CCDC102A: variants seen among roughly 807,000 people sequenced by gnomAD.
The protein encoded by CCDC102A is coiled-coil domain containing 102A.
In CCDC102A, 40 loss-of-function variants were observed where a neutral mutation model predicts 55.5. The observed-to-expected ratio is 0.72, with a 90% CI of 0.56 to 0.94. The LOEUF is 0.94. CCDC102A is among the 40% of genes least tolerant of loss of function. CCDC102A has a pLI of 0.00. For synonymous variants in CCDC102A, 323 were observed against 339.0 expected, an observed-to-expected ratio of 0.95 and a Z score of 0.52; for missense variants, 779 against 768.6, an observed-to-expected ratio of 1.01 and a Z score of -0.16.
intron 1 of CCDC102A, among the ~76,000 whole-genome samples, chr16:57,533,213 C>A (rs1349087366): frequency 6.6e-6 from 1 of 152,100 alleles, no homozygotes; most frequent in Non-Finnish European, 1.5e-5. Context: ...AGCAGGAGCA[C>A]GGAAGTTTTG....
At position 57,515,336 on chromosome 16, in the gene CCDC102A, C is replaced by A; in HGVS notation, c.1523+5G>T. 6.4e-7 allele frequency: 1 copy of A among 1,561,024 alleles called. No homozygotes were observed. Among genetic ancestry groups the A allele is most frequent in the Non-Finnish European group, 8.7e-7 (1 of 1,142,950 alleles). ...CCCTGTTTCTGTTCCCTGCCCGGGGCCCACCTGGACTGCAGGTGCTCCAGT... is the reference window on the plus strand; with the variant it reads ...CCCTGTTTCTGTTCCCTGCCCGGGGACCACCTGGACTGCAGGTGCTCCAGT... On this transcript the variant is annotated splice_donor_5th_base_variant and intron_variant, in intron 8 of 8. Coordinates refer to ENST00000258214, the MANE Select transcript of CCDC102A (RefSeq NM_033212.4).
chr16:57,521,681 T>C (rs1406451199), intron 3 of CCDC102A, among the ~76,000 whole-genome samples: 1 of 152,320 alleles, frequency 6.6e-6, no homozygotes, highest in East Asian at 1.9e-4. Context: ...GAGGGTTCTC[T>C]CTTGCCATCG....
chr16:57,533,465 CAGT>C (rs2032308969), intron 1 of CCDC102A, among the ~76,000 whole-genome samples: 1 of 151,388 alleles, frequency 6.6e-6, no homozygotes, highest in Admixed American at 6.6e-5. Context: ...CATACAGCCC[CAGT>C]AATGCACACA....
In CCDC102A at chr16:57,521,138, T is replaced by G. The variant is rs745458166; in HGVS notation, c.851A>C (p.Glu284Ala). The change falls in exon 4 of 9, where the codon GAG becomes GCG. Residue 284 changes from glutamate to alanine, a missense_variant. Glu to Ala is a moderately radical substitution (Grantham distance 107). Coordinates refer to ENST00000258214, the MANE Select transcript of CCDC102A (RefSeq NM_033212.4). The part of the protein sequence containing the change: ...LALSRNIEKL[E>A]GELSQWKIKY... Reference sequence around the variant, plus strand: ...GATCTTCCACTGGCTGAGCTCCCCCTCTAGCTTCTCAATGTTCCTGCTCAA... The same window carrying G: ...GATCTTCCACTGGCTGAGCTCCCCCGCTAGCTTCTCAATGTTCCTGCTCAA... 13 of 1,613,400 alleles carry G rather than the reference T, an allele frequency of 8.1e-6. No homozygotes were observed. Among genetic ancestry groups the G allele is most frequent in the Non-Finnish European group, 8.5e-6 (10 of 1,179,960 alleles).
intron 3 of CCDC102A, 94 bp downstream of exon 3, chr16:57,525,807 C>G (rs2032128776): frequency 5.4e-6 from 6 of 1,119,444 alleles, no homozygotes. Flanking sequence ...TAAACACTAC[C>G]TGTCATCTTC....
rs780252323 is a variant in CCDC102A at position 57,526,042 on chromosome 16, C to G, written c.671G>C (p.Gly224Ala). ...CTGGCGGCCTGAGCTGCCCCGCGGG[C>G]CCCCAGCCCCCAGGCTGCGCGCCTC... ...CWEARSLGAGGPRGSSGRQER... is the reference protein window; with the variant it reads ...CWEARSLGAGAPRGSSGRQER... The change falls in exon 3 of 9, where the codon GGC becomes GCC. Residue 224 changes from glycine (G) to alanine (A), a missense_variant. Gly to Ala is a moderately conservative substitution (Grantham distance 60). Coordinates refer to ENST00000258214, the MANE Select transcript of CCDC102A (RefSeq NM_033212.4). 4 of 1,593,868 alleles carry G rather than the reference C, an allele frequency of 2.5e-6. No individual in the cohort carries two copies. The Admixed American group carries it at 5.3e-5, about 21-fold the overall frequency.
At chr16:57,514,774 G>A (rs1465887613) in intron 8 of CCDC102A, among the ~76,000 whole-genome samples, 1 of 152,154 alleles carries the variant, frequency 6.6e-6, no homozygotes, top group East Asian at 1.9e-4. Context: ...GATGCTCCTT[G>A]GGCCTCCCAG....
rs757892468 is a variant in CCDC102A at position 57,526,033 on chromosome 16, C to T, written c.680G>A (p.Gly227Asp). The T allele has an allele frequency of 1.4e-5, 23 of 1,597,346 alleles. No individual in the cohort carries two copies. Among genetic ancestry groups the T allele is most frequent in the Non-Finnish European group, 1.8e-5 (21 of 1,173,994 alleles). ...ARSLGAGGPR[G>D]SSGRQERSRL... ...GCTGCGCTCCTGGCGGCCTGAGCTGCCCCGCGGGCCCCCAGCCCCCAGGCT... is the reference window on the plus strand; with the variant it reads ...GCTGCGCTCCTGGCGGCCTGAGCTGTCCCGCGGGCCCCCAGCCCCCAGGCT... Residue 227 changes from glycine (G) to aspartate (D), a missense_variant, in exon 3 of 9, where the codon GGC (glycine) becomes GAC (aspartate). Coordinates refer to ENST00000258214, the MANE Select transcript of CCDC102A (RefSeq NM_033212.4).
intron 2 of CCDC102A, among the ~76,000 whole-genome samples, chr16:57,527,041 A>G (rs1950382767): frequency 6.6e-6 from 1 of 152,234 alleles, no homozygotes; most frequent in Non-Finnish European, 1.5e-5. Flanking sequence ...AGGATAGGAC[A>G]GGAACAGCAT....
chr16:57,534,167 C>A (rs1019131127), intron 1 of CCDC102A, among the ~76,000 whole-genome samples: 2 of 152,226 alleles, frequency 1.3e-5, no homozygotes, highest in East Asian at 1.9e-4. Context: ...ACCCCACCCC[C>A]ACCTGGGGAC....
chr16:57,527,936 G>A (rs1270519250), intron 2 of CCDC102A, among the ~76,000 whole-genome samples: 2 of 152,150 alleles, frequency 1.3e-5, no homozygotes, highest in African/African-American at 4.8e-5. Context: ...CAGCTGGAAT[G>A]CCTTCGGGCA....
intron 2 of CCDC102A, 83 bp from the exon 3 acceptor site, chr16:57,526,210 G>A: frequency 9.9e-7 from 1 of 1,012,104 alleles, no homozygotes; most frequent in Non-Finnish European, 1.4e-6. Flanking sequence ...GTAACCTTGG[G>A]CAAGTCACAC....
intron 3 of CCDC102A, among the ~76,000 whole-genome samples, chr16:57,525,680 A>G (rs1355428571): frequency 6.6e-6 from 1 of 152,154 alleles, no homozygotes; most frequent in Non-Finnish European, 1.5e-5. Flanking sequence ...CTCAGGGCAG[A>G]GCACAGTGCC....
chr16:57,527,282 G>C (rs1454908417), intron 2 of CCDC102A, among the ~76,000 whole-genome samples: 1 of 152,224 alleles, frequency 6.6e-6, no homozygotes, highest in Admixed American at 6.5e-5. Context: ...TAACAGGCCT[G>C]CTGGCTCAGG....
At chr16:57,517,552 C>T (rs1296981749) in intron 6 of CCDC102A, among the ~76,000 whole-genome samples, 5 of 152,166 alleles carry the variant, frequency 3.3e-5, no homozygotes, top group African/African-American at 9.7e-5. Flanking sequence ...CCATGTTAGC[C>T]AGGCTGGTCC....
chr16:57,536,041 G>T, intron 1 of CCDC102A, among the ~76,000 whole-genome samples: 1 of 152,106 alleles, frequency 6.6e-6, no homozygotes, highest in Non-Finnish European at 1.5e-5. Context: ...TTCCCGGCCC[G>T]CGCCGCGCGG....
chr16:57,536,179 G>T (rs2146729308), intron 1 of CCDC102A, among the ~76,000 whole-genome samples: 1 of 152,192 alleles, frequency 6.6e-6, no homozygotes, highest in East Asian at 1.9e-4. Flanking sequence ...GGGTCCCCCG[G>T]GAGAGTCCCA....
chr16:57,525,055 G>T (rs1264917766), intron 3 of CCDC102A, among the ~76,000 whole-genome samples: 1 of 151,914 alleles, frequency 6.6e-6, no homozygotes, highest in African/African-American at 2.4e-5. Context: ...TCATTCCTTG[G>T]CCCTTGTCCA....
At chr16:57,515,202 G>A (rs913187814) in intron 8 of CCDC102A, 139 bp downstream of exon 8, 2 of 659,938 alleles carry the variant, frequency 3.0e-6, no homozygotes, top group African/African-American at 1.8e-5. Flanking sequence ...CCTGCCCGGA[G>A]GGGACAGGAT....
Sources: allele counts gnomAD v4.1 joint callset (sites outside exome capture counted in the v4.1 genomes callset), GRCh38; gene constraint gnomAD v4.1.1; transcripts MANE v1.5; gene names NCBI Gene and HGNC (gene_info 2026-07-23, HGNC 2026-07-21).